Variants in COL19A1 observed in about 807,000 individuals in gnomAD.
COL19A1 encodes collagen alpha-1(XIX) chain.
In COL19A1, 159 loss-of-function variants were observed where a neutral mutation model predicts 190.2. The observed-to-expected ratio is 0.84, with a 90% CI of 0.73 to 0.95. COL19A1 has a LOEUF of 0.95. Among genes scored for constraint, COL19A1 ranks in the 40% least tolerant of loss-of-function variants. The probability of loss-of-function intolerance (pLI) is 0.00; values close to 1 mark genes in which losing one functional copy is unlikely to be tolerated. For synonymous variants in COL19A1, 509 were observed against 458.9 expected, an observed-to-expected ratio of 1.11 and a Z score of -1.39; for missense variants, 1,418 against 1,431.9, an observed-to-expected ratio of 0.99 and a Z score of 0.16.
chr6:69,911,905 G>A (rs1293592624), intron 4 of COL19A1, among the ~76,000 whole-genome samples: 2 of 152,056 alleles, frequency 1.3e-5, no homozygotes, highest in African/African-American at 2.4e-5. Flanking sequence ...TTTACTCACA[G>A]ACTTCTTAAA....
chr6:70,086,090 A>G (rs2150169703), intron 15 of COL19A1, among the ~76,000 whole-genome samples: 1 of 152,292 alleles, frequency 6.6e-6, no homozygotes, highest in South Asian at 2.1e-4. Flanking sequence ...ACTAGACCCC[A>G]GTATACACAA....
intron 11 of COL19A1, among the ~76,000 whole-genome samples, chr6:69,984,020 T>C (rs1436521502): frequency 6.6e-6 from 1 of 152,164 alleles, no homozygotes; most frequent in African/African-American, 2.4e-5. Context: ...GTATGTGTAA[T>C]ATCTGTATTA....
chr6:70,053,138 CT>C (rs1780301569), intron 14 of COL19A1, among the ~76,000 whole-genome samples: 1 of 152,032 alleles, frequency 6.6e-6, no homozygotes, highest in African/African-American at 2.4e-5. Context: ...ACATGGAAGT[CT>C]TTTTGTATGT....
intron 11 of COL19A1, among the ~76,000 whole-genome samples, chr6:69,977,820 A>G (rs577146359): frequency 1.3e-5 from 2 of 152,338 alleles, no homozygotes; most frequent in Non-Finnish European, 2.9e-5. Flanking sequence ...ATTAAGAAAG[A>G]AAAGAAAGAA....
chr6:69,878,704 A>G (rs1403202242), intron 1 of COL19A1, among the ~76,000 whole-genome samples: 1 of 152,198 alleles, frequency 6.6e-6, no homozygotes, highest in East Asian at 1.9e-4. Flanking sequence ...TTCTGATTCT[A>G]TATACCCAAA....
chr6:69,917,259 A>G (rs1582387258), intron 4 of COL19A1, among the ~76,000 whole-genome samples: 1 of 152,220 alleles, frequency 6.6e-6, no homozygotes, highest in Non-Finnish European at 1.5e-5. Flanking sequence ...CTGCTTTAGA[A>G]TCACATAGGA....
chr6:70,157,691 A>G (rs543969067), intron 34 of COL19A1, among the ~76,000 whole-genome samples: 38 of 152,262 alleles, frequency 2.5e-4, no homozygotes, highest in African/African-American at 7.9e-4. Context: ...TCCATAAATA[A>G]AACATTATCT....
chr6:70,055,671 A>G (rs1780454076), intron 14 of COL19A1, among the ~76,000 whole-genome samples: 1 of 151,236 alleles, frequency 6.6e-6, no homozygotes, highest in South Asian at 2.1e-4. Context: ...AATCCCAGCT[A>G]TGCAGGAGGC....
chr6:70,162,648 A>C (rs539348122), intron 35 of COL19A1, among the ~76,000 whole-genome samples: 1 of 152,212 alleles, frequency 6.6e-6, no homozygotes, highest in South Asian at 2.1e-4. Context: ...GCAACCCAGC[A>C]CATGCTTCAA....
chr6:69,930,547 A>C (rs1427658221), intron 6 of COL19A1, among the ~76,000 whole-genome samples: 3 of 152,096 alleles, frequency 2.0e-5, no homozygotes, highest in Non-Finnish European at 4.4e-5. Flanking sequence ...GGCTAGGCGC[A>C]GTGGCTCATG....
At chr6:69,962,084 T>G (rs1774832659) in intron 10 of COL19A1, among the ~76,000 whole-genome samples, 1 of 152,134 alleles carries the variant, frequency 6.6e-6, no homozygotes, top group South Asian at 2.1e-4. Flanking sequence ...ATTCACTTGC[T>G]AGCTATGTTG....
chr6:69,897,783 T>C (rs1769892496), intron 2 of COL19A1, among the ~76,000 whole-genome samples: 1 of 152,210 alleles, frequency 6.6e-6, no homozygotes, highest in Admixed American at 6.5e-5. Flanking sequence ...AGTTCTGAGA[T>C]AGCAATTTTC....
At chr6:69,971,354 T>G (rs1049348013) in intron 11 of COL19A1, among the ~76,000 whole-genome samples, 2 of 147,232 alleles carry the variant, frequency 1.4e-5, no homozygotes, top group Admixed American at 6.7e-5. Context: ...GCAAAATAAT[T>G]TTGATGGAAT....
chr6:70,198,830 G>T (rs769273964), intron 48 of COL19A1, among the ~76,000 whole-genome samples: 2 of 152,160 alleles, frequency 1.3e-5, no homozygotes, highest in Admixed American at 6.5e-5. Flanking sequence ...TATGGATCTG[G>T]CTCAGGATCT....
chr6:69,930,689 A>G (rs1452128959), intron 6 of COL19A1, among the ~76,000 whole-genome samples: 1 of 152,062 alleles, frequency 6.6e-6, no homozygotes, highest in Non-Finnish European at 1.5e-5. Flanking sequence ...GTGGTGGCAC[A>G]CGCCTGTAAT....
intron 48 of COL19A1, among the ~76,000 whole-genome samples, chr6:70,198,969 G>A (rs1367019969): frequency 1.3e-5 from 2 of 152,110 alleles, no homozygotes; most frequent in Non-Finnish European, 2.9e-5. Context: ...TCCCCACATG[G>A]GCCTCTCCAC....
intron 13 of COL19A1, 41 bp from the exon 14 acceptor site, chr6:70,035,863 G>T (rs1433082432): frequency 6.4e-7 from 1 of 1,562,094 alleles, no homozygotes; most frequent in African/African-American, 1.4e-5. Flanking sequence ...TGTGCAAAAA[G>T]GGACTAGTGG....
At chr6:69,959,200 G>C (rs1774616711) in intron 9 of COL19A1, among the ~76,000 whole-genome samples, 1 of 152,122 alleles carries the variant, frequency 6.6e-6, no homozygotes, top group African/African-American at 2.4e-5. Context: ...GAAACTAAAA[G>C]CCATCTGTCT....
chr6:69,970,131 G>GA (rs1400656837), intron 11 of COL19A1, among the ~76,000 whole-genome samples: 1 of 151,634 alleles, frequency 6.6e-6, no homozygotes, highest in African/African-American at 2.4e-5. Context: ...ATGGAGAGGT[G>GA]AAAAAAGGGG....
Sources: allele counts gnomAD v4.1 joint callset (sites outside exome capture counted in the v4.1 genomes callset), GRCh38; gene constraint gnomAD v4.1.1; transcripts MANE v1.5; gene names NCBI Gene and HGNC (gene_info 2026-07-23, HGNC 2026-07-21).